C5orf24: variants seen among roughly 807,000 people sequenced by gnomAD.
C5orf24 encodes UPF0461 protein C5orf24.
A neutral mutation model predicts 9.8 loss-of-function variants in C5orf24; 4 were observed. The ratio of observed to expected loss-of-function variants is 0.41; its 90% CI spans 0.20 to 0.93. The LOEUF is 0.93. Among genes scored for constraint, C5orf24 ranks in the 40% least tolerant of loss-of-function variants. The pLI is 0.33. For missense variants in C5orf24, 170 were observed against 236.9 expected (o/e 0.72, Z 1.85); for synonymous variants, 73 against 81.3 (o/e 0.90, Z 0.55).
chr5:134,834,829 A>C, the C5orf24 span, among the ~76,000 whole-genome samples: 2 of 151,752 alleles, frequency 1.3e-5, no homozygotes, highest in Non-Finnish European at 2.9e-5. Flanking sequence ...GGCAGATCAC[A>C]AGGTTAGGAG....
the C5orf24 span, among the ~76,000 whole-genome samples, chr5:134,836,690 C>T: frequency 5.3e-5 from 8 of 151,112 alleles, no homozygotes; most frequent in East Asian, 2.0e-4. Flanking sequence ...ATTACAGGCA[C>T]GTGCCACCAT....
intron 1 of C5orf24, among the ~76,000 whole-genome samples, chr5:134,849,400 A>C (rs1002931391): frequency 1.3e-5 from 2 of 152,224 alleles, no homozygotes; most frequent in African/African-American, 2.4e-5. Context: ...ATGGTTATGC[A>C]CATAAGCATC....
At chr5:134,838,758 A>C in the C5orf24 span, among the ~76,000 whole-genome samples, 1 of 152,070 alleles carries the variant, frequency 6.6e-6, no homozygotes, top group Non-Finnish European at 1.5e-5. Context: ...TAGCCTTGGC[A>C]ACATGGCATG....
chr5:134,842,985 A>ATTT (rs528612743), upstream of C5orf24, among the ~76,000 whole-genome samples: 2 of 144,836 alleles, frequency 1.4e-5, no homozygotes, highest in African/African-American at 5.1e-5. Context: ...TGTCCCCATA[A>ATTT]TTTTTTTTTT....
chr5:134,844,081 A>G (rs998729478), upstream of C5orf24, among the ~76,000 whole-genome samples: 2 of 152,160 alleles, frequency 1.3e-5, no homozygotes, highest in South Asian at 4.1e-4. Context: ...CTTTTTTAGA[A>G]TGAAAATTTC....
chr5:134,856,752 T>TGAA lies in C5orf24; in HGVS notation c.*1285_*1286insGAA. 1.3e-5 allele frequency: 13 copies of TGAA among 999,932 alleles called. No individual in the cohort carries two copies. The highest frequency in any genetic ancestry group is 1.6e-5 in the Non-Finnish European group (13 of 829,680). 61.9% of individuals were successfully genotyped at this position (999,932 alleles called of 1,614,324 possible). A position where few individuals can be genotyped will look rare whatever the true frequency, so the allele number is the denominator to read the frequency against. ...TTTCTCAGAAATTGTCCCATTGCATTAGCACTTACTGTGTTTTCAGGTTGA... is the reference window on the plus strand; with the variant it reads ...TTTCTCAGAAATTGTCCCATTGCATTGAAAGCACTTACTGTGTTTTCAGGTTGA... On this transcript the variant is annotated 3_prime_UTR_variant, in exon 2 of 2. Transcript: ENST00000394976.
intron 1 of C5orf24, among the ~76,000 whole-genome samples, chr5:134,848,309 TCAAAA>T (rs144738345): frequency 0.013 from 1,900 of 147,812 alleles, 34 homozygotes; most frequent in African/African-American, 0.043. Flanking sequence ...AGACTCCATA[TCAAAA>T]CAAAACAAAA....
In C5orf24 at chr5:134,857,357, GA is replaced by G; in HGVS notation, c.*1896del. ...TCATGTTTCATACCTTTTTTATCAG[GA>G]AAAAAGCAGCAAGCCTTCAGGTGTT... is the stretch of plus-strand genomic sequence containing the variant. On this transcript the variant is annotated 3_prime_UTR_variant, in exon 2 of 2. Coordinates refer to ENST00000394976, the MANE Select transcript of C5orf24 (RefSeq NM_001135586.1). The G allele has an allele frequency of 1.3e-6, 2 of 1,547,044 alleles. No homozygotes were observed. The highest frequency in any genetic ancestry group is 1.7e-6 in the Non-Finnish European group (2 of 1,144,630).
chr5:134,838,369 A>G, the C5orf24 span, among the ~76,000 whole-genome samples: 1 of 152,132 alleles, frequency 6.6e-6, no homozygotes, highest in African/African-American at 2.4e-5. Flanking sequence ...GAATAGTGTG[A>G]TGTTTAAAAG....
rs750442418 is a variant in C5orf24, at chr5:134,855,508, T to C, written c.*41T>C. On this transcript the variant is annotated 3_prime_UTR_variant, in exon 2 of 2. Coordinates refer to ENST00000394976, the MANE Select transcript of C5orf24 (RefSeq NM_001135586.1). ...AGGGCCAGGTTTAGAAGGAAGATTGTGAATAATCCCAAAGCTTCTTGGTTT... is the reference window on the plus strand; with the variant it reads ...AGGGCCAGGTTTAGAAGGAAGATTGCGAATAATCCCAAAGCTTCTTGGTTT... The C allele has an allele frequency of 8.8e-5, 141 of 1,604,142 alleles. 4 individuals are homozygous for C. The South Asian group carries it at 1.1e-3, about 13-fold the overall frequency.
At chr5:134,853,222 G>A (rs1239857331) in intron 1 of C5orf24, among the ~76,000 whole-genome samples, 9 of 151,852 alleles carry the variant, frequency 5.9e-5, no homozygotes, top group Non-Finnish European at 8.8e-5. Context: ...TTAGCCAGGC[G>A]TGGTGGCACA....
At chr5:134,850,622 A>G (rs1021676697) in intron 1 of C5orf24, among the ~76,000 whole-genome samples, 3 of 151,444 alleles carry the variant, frequency 2.0e-5, no homozygotes. Context: ...ACAGGCGTGC[A>G]CCACTACACC....
intron 1 of C5orf24, among the ~76,000 whole-genome samples, chr5:134,851,818 G>C (rs984753467): frequency 5.3e-5 from 8 of 152,296 alleles, no homozygotes; most frequent in Middle Eastern, 3.4e-3. Context: ...TTATTGCCTG[G>C]CACATAACAA....
rs1756328795 is a variant in C5orf24, at chr5:134,856,879, A to G, written c.*1412A>G. The G allele has an allele frequency of 1.0e-6, 1 of 1,000,296 alleles. No individual in the cohort carries two copies. Among genetic ancestry groups the G allele is most frequent in the Non-Finnish European group, 1.2e-6 (1 of 830,086 alleles). The allele number at this position is 1,000,296 out of a possible 1,614,324, so 62.0% of individuals were successfully genotyped here. On this transcript the variant is annotated 3_prime_UTR_variant, in exon 2 of 2. Transcript: ENST00000394976. Reference sequence around the variant, plus strand: ...ACCCAAATATTAAGAAGCATATAGGAATCCATCTATGCATGAAACATGTAA... The same window carrying G: ...ACCCAAATATTAAGAAGCATATAGGGATCCATCTATGCATGAAACATGTAA...
At position 134,857,277 on chromosome 5, in the gene C5orf24, A is replaced by G; in HGVS notation, c.*1810A>G. The G allele has an allele frequency of 6.9e-7, 1 of 1,456,072 alleles. No individual in the cohort carries two copies. The highest frequency in any genetic ancestry group is 1.4e-5 in the African/African-American group (1 of 70,474). 90.2% of individuals were successfully genotyped at this position (1,456,072 alleles called of 1,614,324 possible). On this transcript the variant is annotated 3_prime_UTR_variant, in exon 2 of 2. Coordinates refer to ENST00000394976, the MANE Select transcript of C5orf24 (RefSeq NM_001135586.1). ...AAAATAATTAAAATTTTAAAAGAGC[A>G]CATGTTGTGTTTTTTGGGCTTGCTA...
At chr5:134,848,144 T>G (rs918553923) in intron 1 of C5orf24, among the ~76,000 whole-genome samples, 1 of 151,530 alleles carries the variant, frequency 6.6e-6, no homozygotes, top group African/African-American at 2.4e-5. Context: ...AACCCGTCTC[T>G]ACTAAAAATA....
chr5:134,836,011 A>G, the C5orf24 span, among the ~76,000 whole-genome samples: 1 of 151,508 alleles, frequency 6.6e-6, no homozygotes, highest in Non-Finnish European at 1.5e-5. Flanking sequence ...TTATTTTTTT[A>G]AGTTGTAGAA....
chr5:134,833,638 A>G, the C5orf24 span: 1 of 152,178 alleles, frequency 6.6e-6, no homozygotes, highest in Non-Finnish European at 1.5e-5. Context: ...AAATTCCCTG[A>G]TATGTTGACT....
chr5:134,850,919 CAT>C (rs201093286), intron 1 of C5orf24, among the ~76,000 whole-genome samples: 2,100 of 140,208 alleles, frequency 0.015, 21 homozygotes, highest in South Asian at 0.026. Context: ...TATGAATGTT[CAT>C]ATATATATAT....
Sources: allele counts gnomAD v4.1 joint callset (sites outside exome capture counted in the v4.1 genomes callset), GRCh38; gene constraint gnomAD v4.1.1; transcripts MANE v1.5; gene names NCBI Gene and HGNC (gene_info 2026-07-23, HGNC 2026-07-21).